FBXO9: variants seen among roughly 807,000 people sequenced by gnomAD.
FBXO9 encodes the protein F-box only protein 9.
In FBXO9, 43 loss-of-function variants were observed where a neutral mutation model predicts 63.7. The observed-to-expected ratio is 0.67, with a 90% CI of 0.53 to 0.87. FBXO9 has a LOEUF of 0.87. FBXO9 is among the 40% of genes least tolerant of loss of function. The probability of loss-of-function intolerance (pLI) is 0.00; values close to 1 mark genes in which losing one functional copy is unlikely to be tolerated. For missense variants in FBXO9, 442 were observed against 533.2 expected (o/e 0.83, Z 1.68); for synonymous variants, 156 against 171.7 (o/e 0.91, Z 0.72).
At chr6:53,092,301 TCTC>T in intron 7 of FBXO9, 125 bp from the exon 8 acceptor site, 1 of 653,882 alleles carries the variant, frequency 1.5e-6, no homozygotes, top group African/African-American at 1.8e-5. Context: ...TCCATTAGTT[TCTC>T]CTCAGAACAG....
chr6:53,089,228 C>T (rs992169245), intron 7 of FBXO9, among the ~76,000 whole-genome samples: 2 of 152,094 alleles, frequency 1.3e-5, no homozygotes, highest in South Asian at 2.1e-4. Context: ...GCGCCCGCCA[C>T]CAGGCCCGGC....
At chr6:53,072,813 C>T (rs557020514) in intron 2 of FBXO9, among the ~76,000 whole-genome samples, 168 of 152,002 alleles carry the variant, frequency 1.1e-3, no homozygotes, top group African/African-American at 3.8e-3. Context: ...CTCTGCCACC[C>T]GAGTTCAAGC....
chr6:53,092,533 G>T lies in FBXO9; in HGVS notation c.758G>T (p.Arg253Leu), dbSNP rs766807881. ...AGAGAGATGTTTTTAGAACGGCCTC[G>T]TGTTCGGTTTGATGGTAAGTTGGAT... ...SWREMFLERP[R>L]VRFDGVYISK... Residue 253 changes from arginine (R) to leucine (L), a missense_variant, in exon 8 of 13, where the codon CGT (arginine) becomes CTT (leucine). Transcript: ENST00000323557. 1 of 1,613,264 alleles carries T rather than the reference G, an allele frequency of 6.2e-7. No homozygotes were observed. Among genetic ancestry groups the T allele is most frequent in the Non-Finnish European group, 8.5e-7 (1 of 1,179,420 alleles).
intron 7 of FBXO9, chr6:53,090,842 G>A (rs1763019972): frequency 1.3e-5 from 2 of 151,792 alleles, no homozygotes; most frequent in African/African-American, 4.8e-5. Context: ...CACCATGCCT[G>A]GTTAATTTTT....
chr6:53,080,959 T>A lies in FBXO9; in HGVS notation c.408-9T>A, dbSNP rs1769289140. The stretch of plus-strand genomic sequence containing the variant: ...GAGGCACTTAATTTATTCACCTCCC[T>A]TTTTTCAGCATTGAAGATAATGATG... On this transcript the variant is annotated splice_polypyrimidine_tract_variant and intron_variant, in intron 5 of 12. Transcript: ENST00000323557. 3 of 1,612,328 alleles carry A rather than the reference T, an allele frequency of 1.9e-6. No individual in the cohort carries two copies. In the East Asian group the frequency reaches 6.7e-5, roughly 36 times the overall value.
intron 4 of FBXO9, among the ~76,000 whole-genome samples, chr6:53,077,660 C>G (rs1194142649): frequency 2.0e-5 from 3 of 152,042 alleles, no homozygotes; most frequent in Admixed American, 2.0e-4. Context: ...AATCCTTGTG[C>G]TTGAATCGTT....
At chr6:53,086,774 C>T (rs538585401) in intron 7 of FBXO9, among the ~76,000 whole-genome samples, 1 of 152,114 alleles carries the variant, frequency 6.6e-6, no homozygotes, top group Non-Finnish European at 1.5e-5. Context: ...GACCTTTAAA[C>T]TAAACATTTC....
At chr6:53,065,915 C>T in intron 1 of FBXO9, 123 bp downstream of exon 1, 1 of 1,200,576 alleles carries the variant, frequency 8.3e-7, no homozygotes, top group Non-Finnish European at 1.0e-6. Context: ...TCACGGCTGC[C>T]ACCCGTTAGA....
intron 12 of FBXO9, 81 bp from the exon 13 acceptor site, chr6:53,097,641 A>C: frequency 1.3e-6 from 1 of 761,354 alleles, no homozygotes; most frequent in Non-Finnish European, 2.1e-6. Context: ...TAAAGCATAG[A>C]ATAACCTTCC....
chr6:53,076,808 A>G (rs1769129982), intron 4 of FBXO9, among the ~76,000 whole-genome samples: 1 of 150,448 alleles, frequency 6.6e-6, no homozygotes, highest in Admixed American at 6.6e-5. Context: ...TTAAATTTGT[A>G]TTTATTTTAA....
rs1562069126 is a variant in FBXO9 at position 53,082,500 on chromosome 6, GC to G, written c.539-3del. 1.9e-6 allele frequency: 3 copies of G among 1,602,882 alleles called. No homozygotes were observed. The Admixed American group carries it at 5.1e-5, about 27-fold the overall frequency. ...AGTCACTGAAGGATGATTTTCTTTT[GC>G]AGTGCTGCCAATGGAGGTCCTGATG... On this transcript the variant is annotated splice_region_variant and splice_polypyrimidine_tract_variant and intron_variant, in intron 6 of 12. Coordinates refer to ENST00000323557, the MANE Select transcript of FBXO9 (RefSeq NM_033480.3).
rs761159029 is a variant in FBXO9 at position 53,075,734 on chromosome 6, A to ATTTTTTTTTTTTTTTTTTTTTTTTTTTTT, written c.250-750_250-749insTTTTTTTTTTTTTTTTTTTTTTTTTTTTT. 4.9e-5 allele frequency among the ~76,000 whole-genome samples: 4 copies of ATTTTTTTTTTTTTTTTTTTTTTTTTTTTT among 82,180 alleles called. 1 individual carries two copies. The highest frequency in any genetic ancestry group is 4.2e-5 in the Non-Finnish European group (2 of 47,454). 53.9% of individuals were successfully genotyped at this position (82,180 alleles called of 152,430 possible). ...TAATTGGATTACATATATATATATA[A>ATTTTTTTTTTTTTTTTTTTTTTTTTTTTT]TTATTTTTTTTTTTTTTTTTTTTTT... is the stretch of plus-strand genomic sequence containing the variant. On this transcript the variant is annotated intron_variant, in intron 3 of 12. Transcript: ENST00000323557.
intron 4 of FBXO9, among the ~76,000 whole-genome samples, chr6:53,077,279 C>T (rs190790407): frequency 0.012 from 1,881 of 151,778 alleles, 44 homozygotes; most frequent in African/African-American, 0.041. Context: ...TCGAGACCAT[C>T]CCGGCTAAAA....
Position 53,076,315 on chromosome 6 carries a change from T to C in FBXO9, c.250-171T>C, listed in dbSNP as rs531629828. On this transcript the variant is annotated intron_variant, in intron 3 of 12. Coordinates refer to ENST00000323557, the MANE Select transcript of FBXO9 (RefSeq NM_033480.3). ...TTTATGGATTTTACATTTAAGTCCA[T>C]GATCCAGTCAAGTTAATTTTTATGT... 2.6e-5 allele frequency among the ~76,000 whole-genome samples: 4 copies of C among 152,344 alleles called. No individual in the cohort carries two copies. In the East Asian group the frequency reaches 7.7e-4, roughly 29 times the overall value.
At position 53,092,483 on chromosome 6, in the gene FBXO9, T is replaced by G. The variant is rs1763068263; in HGVS notation, c.708T>G (p.Ile236Met). ...TGAAAGTTTGGGGCAGAAGCTGTAT[T>G]AAACTTGTTCCGTACACGTCCTGGA... ...ACLKVWGRSCIKLVPYTSWRE... is the reference protein window; with the variant it reads ...ACLKVWGRSCMKLVPYTSWRE... The change falls in exon 8 of 13, where the codon ATT becomes ATG. Residue 236 changes from isoleucine to methionine, a missense_variant. Ile to Met is a conservative substitution (Grantham distance 10). This residue lies in a region of FBXO9 where 262 missense variants were observed against 362.1 expected (regional missense o/e 0.72). Coordinates refer to ENST00000323557, the MANE Select transcript of FBXO9 (RefSeq NM_033480.3). The G allele has an allele frequency of 6.2e-7, 1 of 1,614,022 alleles. No individual in the cohort carries two copies. Among genetic ancestry groups the G allele is most frequent in the Non-Finnish European group, 8.5e-7 (1 of 1,179,896 alleles).
At position 53,065,688 on chromosome 6, in the gene FBXO9, A is replaced by G. The variant is rs375924292; in HGVS notation, c.-102A>G. ...AACTCTGCTAAGCTCCGCTGCAGAG[A>G]CAGGCAGGAGTAGACACCCGGACAC... On this transcript the variant is annotated 5_prime_UTR_variant, in exon 1 of 13. Coordinates refer to ENST00000323557, the MANE Select transcript of FBXO9 (RefSeq NM_033480.3). 9.7e-6 allele frequency: 13 copies of G among 1,336,334 alleles called. No individual in the cohort carries two copies. The East Asian group carries it at 2.2e-4, about 22-fold the overall frequency. 82.8% of individuals were successfully genotyped at this position (1,336,334 alleles called of 1,614,324 possible). A position where few individuals can be genotyped will look rare whatever the true frequency, so the allele number is the denominator to read the frequency against.
At position 53,092,493 on chromosome 6, in the gene FBXO9, C is replaced by T; in HGVS notation, c.718C>T (p.Pro240Ser). ...GGGCAGAAGCTGTATTAAACTTGTT[C>T]CGTACACGTCCTGGAGAGAGATGTT... ...VWGRSCIKLV[P>S]YTSWREMFLE... Residue 240 changes from proline (P) to serine (S), a missense_variant, in exon 8 of 13, where the codon CCG (proline) becomes TCG (serine). Physicochemically the swap from Pro to Ser is moderately conservative, Grantham distance 74. This residue lies in a region of FBXO9 where 262 missense variants were observed against 362.1 expected (regional missense o/e 0.72). Coordinates refer to ENST00000323557, the MANE Select transcript of FBXO9 (RefSeq NM_033480.3). 5 of 1,613,894 alleles carry T rather than the reference C, an allele frequency of 3.1e-6. No individual in the cohort carries two copies. Among genetic ancestry groups the T allele is most frequent in the Non-Finnish European group, 4.2e-6 (5 of 1,179,880 alleles).
Position 53,097,723 on chromosome 6 carries a change from TC to T in FBXO9, c.1208del (p.Ser403Ter). 6.3e-7 allele frequency: 1 copy of T among 1,585,302 alleles called. No homozygotes were observed. Among genetic ancestry groups the T allele is most frequent in the African/African-American group, 1.4e-5 (1 of 73,852 alleles). On this transcript the variant is annotated frameshift_variant and splice_region_variant, in exon 13 of 13. Coordinates refer to ENST00000323557, the MANE Select transcript of FBXO9 (RefSeq NM_033480.3). LOFTEE classifies it high-confidence loss of function. ...IHHSCHITYK[S>X]TGETAVSAFE... ...TAATTTTGTGCTTTTTTTTTACAGA[TC>T]AACTGGTGAGACTGCAGTCAGTGCT...
intron 7 of FBXO9, among the ~76,000 whole-genome samples, chr6:53,086,654 T>G (rs1298711589): frequency 1.3e-5 from 2 of 152,214 alleles, no homozygotes; most frequent in Non-Finnish European, 2.9e-5. Context: ...GGAGAATACA[T>G]GGCTCTTAAA....
Sources: gnomAD v4.1 joint callset for allele counts (sites outside exome capture counted in the v4.1 genomes callset) on GRCh38, gnomAD v4.1.1 for gene constraint, gnomAD v4.1.1 regional missense constraint, MANE v1.5 for transcripts, NCBI Gene and HGNC (gene_info 2026-07-23, HGNC 2026-07-21) for gene names.